The following PAK2 variants were observed in gnomAD, a reference collection of about 807,000 sequenced individuals.
PAK2 encodes the protein p21 (RAC1) activated kinase 2, also known as serine/threonine-protein kinase PAK 2.
A neutral mutation model predicts 65.9 loss-of-function variants in PAK2; 21 were observed. The observed-to-expected ratio is 0.32, with a 90% confidence interval of 0.23 to 0.46. The LOEUF (loss-of-function observed/expected upper bound fraction) is 0.46, where lower values mean the gene tolerates loss of function less well. Among genes scored for constraint, PAK2 ranks in the 20% least tolerant of loss-of-function variants. The pLI is 1.00. For synonymous variants in PAK2, 204 were observed against 219.7 expected (o/e 0.93, Z 0.63); for missense variants, 324 against 642.6 (o/e 0.50, Z 5.36).
intron 8 of PAK2, among the ~76,000 whole-genome samples, chr3:196,811,357 C>T (rs9838249): frequency 0.4 from 1,973 of 4,978 alleles, 116 homozygotes; most frequent in Middle Eastern, 0.5. Flanking sequence ...TTCCTTCCCT[C>T]CCTTCCCTTC....
intron 1 of PAK2, among the ~76,000 whole-genome samples, chr3:196,757,740 T>TA (rs1713817026): frequency 6.6e-6 from 1 of 152,288 alleles, no homozygotes; most frequent in African/African-American, 2.4e-5. Context: ...ACGTGGTACT[T>TA]ATGTTCCTGT....
At chr3:196,745,404 G>A (rs1577691806) in intron 1 of PAK2, among the ~76,000 whole-genome samples, 1 of 151,144 alleles carries the variant, frequency 6.6e-6, no homozygotes, top group African/African-American at 2.4e-5. Context: ...GATTACAGGC[G>A]TGAGCCACCG....
chr3:196,832,528 T>C lies in PAK2; in HGVS notation c.*4123T>C, dbSNP rs1473749374. 1 of 152,138 alleles carries C rather than the reference T, an allele frequency of 6.6e-6. No individual in the cohort carries two copies. The highest frequency in any genetic ancestry group is 1.5e-5 in the Non-Finnish European group (1 of 68,014). 9.4% of individuals were successfully genotyped at this position (152,138 alleles called of 1,614,324 possible). A position where few individuals can be genotyped will look rare whatever the true frequency, so the allele number is the denominator to read the frequency against. ...CTTTCCTAAACTTTTATTCTTTCTT[T>C]TGATCAGCGTAAAAGAATATTTTAA... On this transcript the variant is annotated 3_prime_UTR_variant, in exon 15 of 15. Coordinates refer to ENST00000327134, the MANE Select transcript of PAK2 (RefSeq NM_002577.4).
chr3:196,774,034 A>G (rs1714458920), intron 1 of PAK2, among the ~76,000 whole-genome samples: 1 of 152,182 alleles, frequency 6.6e-6, no homozygotes, highest in Non-Finnish European at 1.5e-5. Flanking sequence ...TCCGTCTCAA[A>G]AAAAAACAAC....
At chr3:196,761,422 A>G (rs374613430) in intron 1 of PAK2, among the ~76,000 whole-genome samples, 26,599 of 65,404 alleles carry the variant, frequency 0.41, 5,622 homozygotes, top group Non-Finnish European at 0.47. Flanking sequence ...CCCTTAATCC[A>G]TTTAACCCTG....
At chr3:196,756,075 C>G (rs981035449) in intron 1 of PAK2, among the ~76,000 whole-genome samples, 11 of 152,134 alleles carry the variant, frequency 7.2e-5, no homozygotes, top group Non-Finnish European at 1.2e-4. Flanking sequence ...TTTAAGTAAT[C>G]TTTCTTGTTG....
intron 1 of PAK2, among the ~76,000 whole-genome samples, chr3:196,771,049 T>C (rs1287181988): frequency 6.6e-6 from 1 of 152,092 alleles, no homozygotes. Flanking sequence ...ATTTCTTTCC[T>C]AGTTATCTTT....
At chr3:196,797,711 A>G (rs1286930905) in intron 2 of PAK2, among the ~76,000 whole-genome samples, 2 of 152,108 alleles carry the variant, frequency 1.3e-5, no homozygotes, top group Non-Finnish European at 2.9e-5. Context: ...AGATTGTGCC[A>G]CTGCACTCCA....
At chr3:196,767,819 A>G (rs1485533587) in intron 1 of PAK2, among the ~76,000 whole-genome samples, 5 of 151,184 alleles carry the variant, frequency 3.3e-5, no homozygotes, top group Non-Finnish European at 7.4e-5. Context: ...ATTTGTAAAT[A>G]CTTGATCACA....
intron 1 of PAK2, among the ~76,000 whole-genome samples, chr3:196,740,594 C>G (rs1713157232): frequency 6.6e-6 from 1 of 152,192 alleles, no homozygotes. Flanking sequence ...GCTCTCTGTT[C>G]ACCCGTTTCA....
chr3:196,764,992 C>G (rs370436225), intron 1 of PAK2, among the ~76,000 whole-genome samples: 2 of 144,422 alleles, frequency 1.4e-5, no homozygotes, highest in East Asian at 2.1e-4. Context: ...CTACAGGCAC[C>G]CGCCACCACG....
intron 2 of PAK2, among the ~76,000 whole-genome samples, chr3:196,794,868 C>T (rs1203988667): frequency 6.6e-6 from 1 of 152,130 alleles, no homozygotes; most frequent in Non-Finnish European, 1.5e-5. Flanking sequence ...CTGCACTCTG[C>T]TAGAACCCAG....
chr3:196,753,026 G>A (rs1227377707), intron 1 of PAK2, among the ~76,000 whole-genome samples: 1 of 151,382 alleles, frequency 6.6e-6, no homozygotes, highest in Non-Finnish European at 1.5e-5. Flanking sequence ...TGTCACCCAG[G>A]CTGGAGTGCA....
At chr3:196,785,234 C>T (rs1714847655) in intron 2 of PAK2, 1 of 152,016 alleles carries the variant, frequency 6.6e-6, no homozygotes. Context: ...ACAGTGAAAA[C>T]GTTGTCTTAT....
At position 196,776,416 on chromosome 3, in the gene PAK2, C is replaced by T. The variant is rs190021792; in HGVS notation, c.-21-6210C>T. ...AACTAGCCCTCTGTTTCATGCAACA[C>T]CTTTTTTTATTTGGAAGAACAACTG... On this transcript the variant is annotated intron_variant, in intron 1 of 14. Transcript: ENST00000327134. 1.1e-3 allele frequency among the ~76,000 whole-genome samples: 171 copies of T among 152,280 alleles called. 1 individual carries two copies. The highest frequency in any genetic ancestry group is 4.0e-3 in the African/African-American group (167 of 41,566).
At chr3:196,751,643 C>A (rs1305966336) in intron 1 of PAK2, among the ~76,000 whole-genome samples, 1 of 106,802 alleles carries the variant, frequency 9.4e-6, no homozygotes, top group East Asian at 2.3e-4. Flanking sequence ...CAAGACTGTC[C>A]CCCCAAAAAA....
chr3:196,753,433 A>G (rs1260104608), intron 1 of PAK2, among the ~76,000 whole-genome samples: 1 of 151,702 alleles, frequency 6.6e-6, no homozygotes, highest in African/African-American at 2.4e-5. Flanking sequence ...ACGTGATCCT[A>G]TCTTCCTGCC....
intron 2 of PAK2, among the ~76,000 whole-genome samples, chr3:196,785,462 C>T (rs74392797): frequency 6.0e-4 from 91 of 152,134 alleles, no homozygotes; most frequent in African/African-American, 2.1e-3. Flanking sequence ...GATGAGCGTT[C>T]CCATTGCTGA....
At chr3:196,804,950 C>T (rs1219960317) in intron 4 of PAK2, among the ~76,000 whole-genome samples, 2 of 151,920 alleles carry the variant, frequency 1.3e-5, no homozygotes, top group East Asian at 3.8e-4. Flanking sequence ...TTGTCATTGT[C>T]TTAATTGTTG....
Sources: allele counts gnomAD v4.1 joint callset (sites outside exome capture counted in the v4.1 genomes callset), GRCh38; gene constraint gnomAD v4.1.1; transcripts MANE v1.5; gene names NCBI Gene and HGNC (gene_info 2026-07-23, HGNC 2026-07-21).